The following SMYD3 variants were observed in gnomAD, a reference collection of about 807,000 sequenced individuals.
SMYD3 encodes the protein histone-lysine N-methyltransferase SMYD3.
SMYD3 carries 36 observed loss-of-function variants against 57.7 expected under a neutral mutation model. That is an observed-to-expected ratio of 0.62 (90% CI 0.48 to 0.82). The LOEUF is 0.82. SMYD3 is among the 40% of genes least tolerant of loss of function. The pLI, the probability that SMYD3 is intolerant of heterozygous loss-of-function variation, is 0.00. For missense variants in SMYD3, 515 were observed against 538.8 expected, an observed-to-expected ratio of 0.96 and a Z score of 0.44; for synonymous variants, 211 against 195.0, an observed-to-expected ratio of 1.08 and a Z score of -0.68.
intron 5 of SMYD3, among the ~76,000 whole-genome samples, chr1:246,239,761 T>C (rs1180098621): frequency 6.6e-6 from 1 of 152,144 alleles, no homozygotes; most frequent in African/African-American, 2.4e-5. Context: ...TGTTGTTTCC[T>C]GACTTTTTAA....
At chr1:245,824,856 C>CAAAA (rs34891255) in intron 10 of SMYD3, among the ~76,000 whole-genome samples, 4 of 119,166 alleles carry the variant, frequency 3.4e-5, no homozygotes, top group East Asian at 2.4e-4. Flanking sequence ...AACTCCGTCT[C>CAAAA]AAAAAAAAAA....
intron 5 of SMYD3, among the ~76,000 whole-genome samples, chr1:246,272,870 T>C (rs577965701): frequency 6.6e-6 from 1 of 152,314 alleles, no homozygotes; most frequent in Non-Finnish European, 1.5e-5. Flanking sequence ...AGTATCAGCT[T>C]CTCTATAAAT....
chr1:245,955,684 T>C (rs1272133001), intron 5 of SMYD3: 1 of 152,378 alleles, frequency 6.6e-6, no homozygotes, highest in East Asian at 1.9e-4. Context: ...ATTGTAAGTA[T>C]GTATACATAA....
chr1:246,261,154 G>A (rs1001953235), intron 5 of SMYD3, among the ~76,000 whole-genome samples: 2 of 152,094 alleles, frequency 1.3e-5, no homozygotes, highest in African/African-American at 4.8e-5. Context: ...CGCCTCCTGG[G>A]TTCACACCAT....
intron 5 of SMYD3, among the ~76,000 whole-genome samples, chr1:246,180,758 T>TAAAAA (rs1558294151): frequency 2.0e-5 from 1 of 49,800 alleles, no homozygotes; most frequent in Non-Finnish European, 3.3e-5. Context: ...AGACTCTGTC[T>TAAAAA]CAAAAAAAAA....
chr1:246,092,394 C>T (rs755180060), intron 5 of SMYD3, among the ~76,000 whole-genome samples: 14 of 152,140 alleles, frequency 9.2e-5, no homozygotes, highest in Non-Finnish European at 1.6e-4. Context: ...AAAAATGTCA[C>T]GCTTCTCATA....
intron 8 of SMYD3, among the ~76,000 whole-genome samples, chr1:245,910,763 A>G (rs888979366): frequency 2.0e-5 from 3 of 152,126 alleles, no homozygotes; most frequent in Non-Finnish European, 2.9e-5. Flanking sequence ...AACAGCTTAA[A>G]TATTTGAATA....
At chr1:246,082,086 C>A (rs998608538) in intron 5 of SMYD3, among the ~76,000 whole-genome samples, 1 of 152,234 alleles carries the variant, frequency 6.6e-6, no homozygotes, top group East Asian at 1.9e-4. Flanking sequence ...TAGGCACAGG[C>A]CAAGCTAACC....
chr1:246,290,252 C>T (rs1324733908), intron 5 of SMYD3, among the ~76,000 whole-genome samples: 2 of 152,162 alleles, frequency 1.3e-5, no homozygotes. Flanking sequence ...TGATTATTAT[C>T]CACTAAACTA....
At chr1:245,780,110 T>C (rs1205692477) in intron 10 of SMYD3, among the ~76,000 whole-genome samples, 1 of 152,218 alleles carries the variant, frequency 6.6e-6, no homozygotes, top group Non-Finnish European at 1.5e-5. Context: ...TGGAAAATGA[T>C]CTGTCAGTTC....
At chr1:246,059,553 T>A (rs886346983) in intron 5 of SMYD3, among the ~76,000 whole-genome samples, 4 of 152,194 alleles carry the variant, frequency 2.6e-5, no homozygotes, top group Non-Finnish European at 4.4e-5. Context: ...AAGTGCTGCA[T>A]ATCTTGTGAG....
chr1:245,762,296 A>C (rs1160689149), intron 11 of SMYD3, among the ~76,000 whole-genome samples: 1 of 152,194 alleles, frequency 6.6e-6, no homozygotes, highest in Non-Finnish European at 1.5e-5. Context: ...ATCACGGATC[A>C]CGTACGTACG....
At chr1:246,338,674 A>G (rs148808332) in intron 2 of SMYD3, among the ~76,000 whole-genome samples, 10 of 152,354 alleles carry the variant, frequency 6.6e-5, no homozygotes, top group African/African-American at 2.4e-4. Flanking sequence ...AGGAAATGAC[A>G]TCTATAACAC....
intron 5 of SMYD3, among the ~76,000 whole-genome samples, chr1:246,051,976 T>C (rs2060074252): frequency 6.6e-6 from 1 of 152,220 alleles, no homozygotes; most frequent in African/African-American, 2.4e-5. Flanking sequence ...ACCCAAATGA[T>C]TCTACATAAA....
At chr1:245,793,809 CCT>C (rs2047406674) in intron 10 of SMYD3, among the ~76,000 whole-genome samples, 1 of 152,184 alleles carries the variant, frequency 6.6e-6, no homozygotes, top group Non-Finnish European at 1.5e-5. Flanking sequence ...TTCATGCTTT[CCT>C]CTCTTTTATA....
At chr1:246,272,084 C>G (rs1009516237) in intron 5 of SMYD3, among the ~76,000 whole-genome samples, 2 of 152,108 alleles carry the variant, frequency 1.3e-5, no homozygotes, top group African/African-American at 4.8e-5. Context: ...AGATTGTTCA[C>G]TGTTTGTTTG....
chr1:246,176,360 G>A lies in SMYD3; in HGVS notation c.531+150841C>T, dbSNP rs552925446. Among the ~76,000 whole-genome samples the A allele has an allele frequency of 2.8e-4, 42 of 152,092 alleles. No homozygotes were observed. The South Asian group carries it at 8.3e-3, about 30-fold the overall frequency. ...CTATATTTAGCTCTTCAGAGCCCTTGGCAGAAAGAGATAAACATTAAAAAA... is the reference window on the plus strand; with the variant it reads ...CTATATTTAGCTCTTCAGAGCCCTTAGCAGAAAGAGATAAACATTAAAAAA... On this transcript the variant is annotated intron_variant, in intron 5 of 11. Transcript: ENST00000490107.
intron 8 of SMYD3, among the ~76,000 whole-genome samples, chr1:245,887,110 T>G (rs908477715): frequency 6.6e-6 from 1 of 152,162 alleles, no homozygotes; most frequent in Non-Finnish European, 1.5e-5. Flanking sequence ...TAAGGCATTC[T>G]AAGTCACAGG....
chr1:246,077,424 G>A (rs986381676), intron 5 of SMYD3, among the ~76,000 whole-genome samples: 6 of 152,156 alleles, frequency 3.9e-5, no homozygotes, highest in Non-Finnish European at 7.4e-5. Flanking sequence ...AAGCCTTAGT[G>A]AGGATTATGC....
Sources: gnomAD v4.1 joint callset for allele counts (sites outside exome capture counted in the v4.1 genomes callset) on GRCh38, gnomAD v4.1.1 for gene constraint, MANE v1.5 for transcripts, NCBI Gene and HGNC (gene_info 2026-07-23, HGNC 2026-07-21) for gene names.